The following RGS3 variants were observed in gnomAD, a reference collection of about 807,000 sequenced individuals.
RGS3 encodes the protein regulator of G protein signaling 3.
Under a neutral mutation model 132.6 loss-of-function variants are expected in RGS3, and 80 were observed. That is an observed-to-expected ratio of 0.60 (90% CI 0.50 to 0.73). The LOEUF is 0.73. RGS3 is among the 30% of genes least tolerant of loss of function. The probability of loss-of-function intolerance (pLI) is 0.00; values close to 1 mark genes in which losing one functional copy is unlikely to be tolerated. For missense variants in RGS3, 1,382 were observed against 1,530.8 expected (o/e 0.90, Z 1.62); for synonymous variants, 598 against 620.6 (o/e 0.96, Z 0.54).
At chr9:113,546,622 T>G (rs1833128857) in intron 19 of RGS3, among the ~76,000 whole-genome samples, 1 of 152,190 alleles carries the variant, frequency 6.6e-6, no homozygotes, top group African/African-American at 2.4e-5. Flanking sequence ...GGTCTCCTGA[T>G]TCTTTGGATT....
intron 1 of RGS3, among the ~76,000 whole-genome samples, chr9:113,452,970 ATATT>A (rs1588126115): frequency 1.5e-5 from 2 of 135,098 alleles, no homozygotes; most frequent in African/African-American, 5.5e-5. Flanking sequence ...TAAATAAAAT[ATATT>A]TATACATAAT....
intron 1 of RGS3, among the ~76,000 whole-genome samples, chr9:113,452,614 C>G (rs1300899997): frequency 6.6e-6 from 1 of 151,690 alleles, no homozygotes; most frequent in Non-Finnish European, 1.5e-5. Context: ...TTTTCTGTCC[C>G]CTACTTTCTT....
chr9:113,476,473 C>G (rs1464715735), intron 3 of RGS3, among the ~76,000 whole-genome samples: 2 of 152,148 alleles, frequency 1.3e-5, no homozygotes, highest in Non-Finnish European at 2.9e-5. Flanking sequence ...ATCTTGTGAA[C>G]TGGGGCAGGT....
chr9:113,520,911 T>G (rs567554975), intron 16 of RGS3, among the ~76,000 whole-genome samples: 2 of 152,282 alleles, frequency 1.3e-5, no homozygotes, highest in Non-Finnish European at 2.9e-5. Context: ...ACTGCACAGC[T>G]GTAAGCACAT....
At chr9:113,488,577 C>G (rs2119244569) in intron 7 of RGS3, among the ~76,000 whole-genome samples, 1 of 152,278 alleles carries the variant, frequency 6.6e-6, no homozygotes, top group Admixed American at 6.5e-5. Context: ...CACCAAACTG[C>G]TGGAGAAGGA....
chr9:113,553,459 A>AAAAAAAATATATAT (rs1426114805), intron 19 of RGS3, among the ~76,000 whole-genome samples: 13 of 58,694 alleles, frequency 2.2e-4, no homozygotes, highest in Admixed American at 8.2e-4. Context: ...AAAAAAAAAA[A>AAAAAAAATATATAT]ATATATATAT....
chr9:113,557,931 G>A (rs1222866191), intron 19 of RGS3, among the ~76,000 whole-genome samples: 1 of 152,198 alleles, frequency 6.6e-6, no homozygotes, highest in South Asian at 2.1e-4. Context: ...GAAGCTGTGG[G>A]AAGAAGTGTG....
exon 20 of RGS3, chr9:113,583,737 C>T (rs768387909): frequency 6.2e-7 from 1 of 1,614,092 alleles, no homozygotes; most frequent in Admixed American, 1.7e-5. Context: ...CAGCCCAAGA[C>T]CTCTCACCCT....
At chr9:113,545,487 C>A (rs1833069577) in intron 19 of RGS3, among the ~76,000 whole-genome samples, 1 of 152,244 alleles carries the variant, frequency 6.6e-6, no homozygotes, top group South Asian at 2.1e-4. Flanking sequence ...CTCTCCTCCC[C>A]ATTCCTTGCT....
At chr9:113,458,152 A>G (rs1564442237), upstream of RGS3, among the ~76,000 whole-genome samples, 1 of 152,206 alleles carries the variant, frequency 6.6e-6, no homozygotes, top group African/African-American at 2.4e-5. Flanking sequence ...CCTGACCTCA[A>G]GCGATCCGCC....
At chr9:113,488,866 C>T (rs1477575699) in intron 7 of RGS3, among the ~76,000 whole-genome samples, 4 of 152,182 alleles carry the variant, frequency 2.6e-5, no homozygotes, top group Admixed American at 6.5e-5. Context: ...CATTTCGGAG[C>T]GAGAAGGCCT....
At chr9:113,456,724 A>G (rs994914437), upstream of RGS3, among the ~76,000 whole-genome samples, 1 of 151,866 alleles carries the variant, frequency 6.6e-6, no homozygotes, top group African/African-American at 2.4e-5. Flanking sequence ...GATCTTGCTT[A>G]AAATATTTGA....
intron 19 of RGS3, among the ~76,000 whole-genome samples, chr9:113,573,173 C>A (rs561785814): frequency 6.6e-6 from 1 of 152,202 alleles, no homozygotes; most frequent in South Asian, 2.1e-4. Flanking sequence ...GGTACCTTGA[C>A]GTAGGAGGTG....
At chr9:113,456,369 C>T (rs553062705), upstream of RGS3, among the ~76,000 whole-genome samples, 3 of 152,234 alleles carry the variant, frequency 2.0e-5, no homozygotes, top group African/African-American at 7.2e-5. Flanking sequence ...TTAGCAGGCT[C>T]ACAGTTGAAC....
chr9:113,457,075 C>T (rs538502937), upstream of RGS3, among the ~76,000 whole-genome samples: 4 of 152,322 alleles, frequency 2.6e-5, no homozygotes, highest in Non-Finnish European at 4.4e-5. Context: ...GGATTACAGG[C>T]GTGAGTCACC....
At chr9:113,581,996 C>A (rs1464989779) in intron 19 of RGS3, 1 of 984,372 alleles carries the variant, frequency 1.0e-6, no homozygotes, top group Non-Finnish European at 1.2e-6. Context: ...CAGGGCTCCA[C>A]TTTCACTTTC....
At chr9:113,593,103 A>G (rs1835530915) in intron 21 of RGS3, 1 of 152,176 alleles carries the variant, frequency 6.6e-6, no homozygotes, top group Non-Finnish European at 1.5e-5. Flanking sequence ...AAACCTTGAT[A>G]GGAAACTTGA....
exon 2 of RGS3, chr9:113,461,801 C>G: frequency 6.2e-7 from 1 of 1,614,170 alleles, no homozygotes; most frequent in Middle Eastern, 1.6e-4. Context: ...CTCTGGAGCC[C>G]AAGATAGTCT....
At chr9:113,514,277 T>C (rs1462431846) in intron 14 of RGS3, among the ~76,000 whole-genome samples, 181 bp from the exon 13 acceptor site, 1 of 152,146 alleles carries the variant, frequency 6.6e-6, no homozygotes, top group Non-Finnish European at 1.5e-5. Context: ...AGGGAATTCC[T>C]TGAAGCCCGA....
Sources: gnomAD v4.1 joint callset for allele counts (sites outside exome capture counted in the v4.1 genomes callset) on GRCh38, gnomAD v4.1.1 for gene constraint, MANE v1.5 for transcripts, NCBI Gene and HGNC (gene_info 2026-07-23, HGNC 2026-07-21) for gene names.